Variants in TSPAN1 observed in about 807,000 individuals in gnomAD.
TSPAN1 encodes the protein tetraspanin-1.
In TSPAN1, 23 loss-of-function variants were observed where a neutral mutation model predicts 26.9. The ratio of observed to expected loss-of-function variants is 0.85; its 90% CI spans 0.62 to 1.21. The LOEUF (loss-of-function observed/expected upper bound fraction) is 1.21, where lower values mean the gene tolerates loss of function less well. Ranked by LOEUF, TSPAN1 falls within the 50% of genes most tolerant of loss-of-function variation. The pLI is 0.00. For synonymous variants in TSPAN1, 115 were observed against 114.8 expected (o/e 1.00, Z -0.01); for missense variants, 283 against 298.4 (o/e 0.95, Z 0.38).
downstream of TSPAN1, chr1:46,189,876 G>C (rs749236309): frequency 6.2e-7 from 1 of 1,613,924 alleles, no homozygotes; most frequent in African/African-American, 1.3e-5. Context: ...GGTCCAGGTG[G>C]TGAAGTCATC....
the TSPAN1 span, chr1:46,194,832 T>C: frequency 6.2e-7 from 1 of 1,614,098 alleles, no homozygotes; most frequent in Admixed American, 1.7e-5. Context: ...GGATGGCCTC[T>C]GATGCCGGCA....
the TSPAN1 span, chr1:46,192,365 C>T: frequency 6.2e-7 from 1 of 1,614,198 alleles, no homozygotes. Flanking sequence ...ACCTCCTGAG[C>T]ACCCAGCCCA....
chr1:46,192,358 T>C, the TSPAN1 span: 1 of 1,614,152 alleles, frequency 6.2e-7, no homozygotes, highest in Non-Finnish European at 8.5e-7. Flanking sequence ...TACAAGGACC[T>C]CCTGAGCACC....
downstream of TSPAN1, chr1:46,190,064 G>C: frequency 6.6e-7 from 1 of 1,523,556 alleles, no homozygotes; most frequent in Non-Finnish European, 9.0e-7. Flanking sequence ...CCCTGTACTT[G>C]GTTGAATGCT....
chr1:46,180,473 T>G (rs1657289500), intron 1 of TSPAN1, 53 bp from the exon 2 acceptor site: 1 of 152,154 alleles, frequency 6.6e-6, no homozygotes. Context: ...TGGCCACGGG[T>G]GGGGCCAGCA....
chr1:46,184,198 G>T lies in TSPAN1; in HGVS notation c.65G>T (p.Gly22Val). The part of the protein sequence containing the change: ...ILFNLLIFLC[G>V]AALLAVGIWV... The stretch of plus-strand genomic sequence containing the variant: ...TGACCTCTCTCTCCCCAGCTGTGTG[G>T]TGCAGCCCTGTTGGCAGTGGGCATC... The change falls in exon 4 of 9, where the codon GGT (glycine) becomes GTT (valine). Residue 22 changes from glycine to valine, a missense_variant. Transcript: ENST00000372003. 6.2e-7 allele frequency: 1 copy of T among 1,614,182 alleles called. No individual in the cohort carries two copies. The highest frequency in any genetic ancestry group is 8.5e-7 in the Non-Finnish European group (1 of 1,180,032).
rs1657418265 is a variant in TSPAN1, at chr1:46,185,834, G to A, written c.*301G>A. ...TGATATGCCCCCTAGGCCTAGTGGT[G>A]ATCCCAGTGCTCTACTGGGGGATGA... On this transcript the variant is annotated 3_prime_UTR_variant, in exon 9 of 9. Coordinates refer to ENST00000372003, the MANE Select transcript of TSPAN1 (RefSeq NM_005727.4). The A allele has an allele frequency of 4.1e-6, 2 of 489,852 alleles. No individual in the cohort carries two copies. Among genetic ancestry groups the A allele is most frequent in the Non-Finnish European group, 3.7e-6 (1 of 272,064 alleles). The allele number at this position is 489,852 out of a possible 1,614,324, so 30.3% of individuals were successfully genotyped here.
At position 46,175,252 on chromosome 1, in the gene TSPAN1, C is replaced by G. The variant is rs554186663; in HGVS notation, c.-299C>G. On this transcript the variant is annotated 5_prime_UTR_variant, in exon 1 of 9. Coordinates refer to ENST00000372003, the MANE Select transcript of TSPAN1 (RefSeq NM_005727.4). ...TACCTTCCAAGATGTTTACAGAGAC[C>G]CTTCTCCCTGTGCAGTTAGGAGTGT... 1 of 220,066 alleles carries G rather than the reference C, an allele frequency of 4.5e-6. No homozygotes were observed. The highest frequency in any genetic ancestry group is 5.8e-5 in the Admixed American group (1 of 17,192). 13.6% of individuals were successfully genotyped at this position (220,066 alleles called of 1,614,324 possible). A position where few individuals can be genotyped will look rare whatever the true frequency, so the allele number is the denominator to read the frequency against.
chr1:46,194,039 G>A, the TSPAN1 span: 1 of 1,559,588 alleles, frequency 6.4e-7, no homozygotes, highest in Non-Finnish European at 8.7e-7. Flanking sequence ...ACAGGGAAGG[G>A]ATAGAGGATC....
chr1:46,187,704 G>A (rs1243309702), downstream of TSPAN1, among the ~76,000 whole-genome samples: 3 of 152,196 alleles, frequency 2.0e-5, no homozygotes, highest in Admixed American at 2.0e-4. Context: ...GCCCAGGGCG[G>A]GCCTCTACCT....
intron 4 of TSPAN1, 42 bp downstream of exon 4, chr1:46,184,439 C>CCT: frequency 1.2e-6 from 2 of 1,612,994 alleles, no homozygotes; most frequent in Non-Finnish European, 1.7e-6. Context: ...CCAAGAGTCC[C>CCT]CTCGCCCTTG....
the TSPAN1 span, chr1:46,192,350 C>G: frequency 1.2e-6 from 2 of 1,614,076 alleles, no homozygotes; most frequent in Non-Finnish European, 1.7e-6. Context: ...CCTCCTTGTA[C>G]AAGGACCTCC....
At chr1:46,186,799 A>C (rs1657441975), downstream of TSPAN1, among the ~76,000 whole-genome samples, 1 of 151,510 alleles carries the variant, frequency 6.6e-6, no homozygotes, top group African/African-American at 2.4e-5. Context: ...AGTAGCTGGC[A>C]CTACAGGCGC....
chr1:46,185,066 C>T lies in TSPAN1; in HGVS notation c.545C>T (p.Thr182Ile), dbSNP rs1352193650. Residue 182 changes from threonine to isoleucine, a missense_variant, in exon 7 of 9, where the codon ACA becomes ATA. Coordinates refer to ENST00000372003, the MANE Select transcript of TSPAN1 (RefSeq NM_005727.4). ...PFCCNDNVTN[T>I]ANETCTKQKA... is the part of the protein sequence containing the mutation. ...TGTTGCAATGACAACGTCACCAACA[C>T]AGCCAATGAAACCTGCACCAAGCAA... 2 of 1,614,204 alleles carry T rather than the reference C, an allele frequency of 1.2e-6. No individual in the cohort carries two copies. Among genetic ancestry groups the T allele is most frequent in the South Asian group, 1.1e-5 (1 of 91,084 alleles).
At chr1:46,189,557 A>G, downstream of TSPAN1, 3 of 1,611,562 alleles carry the variant, frequency 1.9e-6, no homozygotes, top group Non-Finnish European at 2.5e-6. Flanking sequence ...CAGGTCCCAG[A>G]TATGGAGGCA....
intron 1 of TSPAN1, 23 bp downstream of exon 1, chr1:46,175,432 C>T (rs564208525): frequency 2.5e-6 from 1 of 394,590 alleles, no homozygotes; most frequent in Admixed American, 4.4e-5. Context: ...CCATAACCCT[C>T]CCCTCACGCC....
At chr1:46,182,896 C>T (rs189326287) in intron 3 of TSPAN1, among the ~76,000 whole-genome samples, 2 of 152,256 alleles carry the variant, frequency 1.3e-5, no homozygotes, top group East Asian at 3.9e-4. Flanking sequence ...GCAGCGTCAA[C>T]CTCCTGGGCT....
In TSPAN1 at chr1:46,182,304, C is replaced by A. The variant is rs371943403; in HGVS notation, c.57+1140C>A. Among the ~76,000 whole-genome samples, 114 of 30,140 alleles carry A rather than the reference C, an allele frequency of 3.8e-3. 9 individuals are homozygous for A. The highest frequency in any genetic ancestry group is 4.8e-3 in the Admixed American group (6 of 1,246). The allele number at this position is 30,140 out of a possible 152,430, so 19.8% of individuals were successfully genotyped here. ...GGAAACCCAATTTATTAGGGATAAG[C>A]AAAAAAAAAAAAAGCCACTGTGAAG... On this transcript the variant is annotated intron_variant, in intron 3 of 8. Coordinates refer to ENST00000372003, the MANE Select transcript of TSPAN1 (RefSeq NM_005727.4).
intron 1 of TSPAN1, chr1:46,175,879 T>TC (rs1657128721): frequency 2.5e-6 from 1 of 396,820 alleles, no homozygotes; most frequent in East Asian, 3.9e-5. Flanking sequence ...CTGGTTTTTT[T>TC]TTTTTTTTCT....
Sources: allele counts gnomAD v4.1 joint callset (sites outside exome capture counted in the v4.1 genomes callset), GRCh38; gene constraint gnomAD v4.1.1; transcripts MANE v1.5; gene names NCBI Gene and HGNC (gene_info 2026-07-23, HGNC 2026-07-21).